CDH2: variants seen among roughly 807,000 people sequenced by gnomAD.
CDH2 encodes cadherin-2.
Under a neutral mutation model 92.0 loss-of-function variants are expected in CDH2, and 17 were observed. That is an observed-to-expected ratio of 0.18 (90% CI 0.13 to 0.28). The LOEUF is 0.28. CDH2 is among the 10% of genes least tolerant of loss of function. The pLI is 1.00. For synonymous variants in CDH2, 419 were observed against 415.9 expected, an observed-to-expected ratio of 1.01 and a Z score of -0.09; for missense variants, 862 against 1,133.1, an observed-to-expected ratio of 0.76 and a Z score of 3.44.
intron 1 of CDH2, among the ~76,000 whole-genome samples, chr18:28,167,906 G>A (rs772004027): frequency 5.9e-5 from 9 of 151,976 alleles, no homozygotes; most frequent in African/African-American, 1.7e-4. Context: ...CAATATTTTC[G>A]CTGCAAAAAC....
At chr18:28,039,507 G>C (rs1177184096) in intron 2 of CDH2, among the ~76,000 whole-genome samples, 1 of 152,260 alleles carries the variant, frequency 6.6e-6, no homozygotes, top group East Asian at 1.9e-4. Flanking sequence ...TTATGGCTCA[G>C]GGAGATTAAG....
At chr18:28,000,656 A>G (rs1046532612) in intron 7 of CDH2, among the ~76,000 whole-genome samples, 1 of 152,172 alleles carries the variant, frequency 6.6e-6, no homozygotes, top group Non-Finnish European at 1.5e-5. Context: ...TAATGTCACA[A>G]GAGGACAGAT....
chr18:28,080,225 C>G (rs2014803318), intron 2 of CDH2, among the ~76,000 whole-genome samples: 1 of 152,160 alleles, frequency 6.6e-6, no homozygotes, highest in South Asian at 2.1e-4. Flanking sequence ...AGGTCACTAC[C>G]TGTGAAATCC....
chr18:28,118,440 A>T (rs1156396176), intron 2 of CDH2, among the ~76,000 whole-genome samples: 1 of 152,164 alleles, frequency 6.6e-6, no homozygotes, highest in African/African-American at 2.4e-5. Flanking sequence ...CTATTTTCAA[A>T]GAATATTGTT....
chr18:28,155,363 A>G (rs1329577103), intron 1 of CDH2, among the ~76,000 whole-genome samples: 1 of 152,240 alleles, frequency 6.6e-6, no homozygotes, highest in Non-Finnish European at 1.5e-5. Context: ...TCACCACAGG[A>G]CAAGGGTTAG....
intron 2 of CDH2, among the ~76,000 whole-genome samples, chr18:28,100,719 T>C (rs976409005): frequency 6.6e-6 from 1 of 152,224 alleles, no homozygotes; most frequent in Admixed American, 6.5e-5. Flanking sequence ...GTTATTCACA[T>C]ACACATTGCA....
chr18:28,085,785 C>T (rs2014916136), intron 2 of CDH2, among the ~76,000 whole-genome samples: 1 of 152,080 alleles, frequency 6.6e-6, no homozygotes, highest in Non-Finnish European at 1.5e-5. Flanking sequence ...ATCCCTAGTG[C>T]AAAACACTGT....
At chr18:28,043,474 A>ATT (rs1220008935) in intron 2 of CDH2, among the ~76,000 whole-genome samples, 1 of 77,262 alleles carries the variant, frequency 1.3e-5, no homozygotes, top group African/African-American at 5.0e-5. Context: ...ATATATATAT[A>ATT]TATATATATA....
intron 5 of CDH2, among the ~76,000 whole-genome samples, chr18:28,006,881 T>C (rs539641398): frequency 5.9e-5 from 9 of 151,620 alleles, no homozygotes; most frequent in Non-Finnish European, 1.0e-4. Flanking sequence ...AATATACTAG[T>C]ATATGGCTGG....
intron 14 of CDH2, among the ~76,000 whole-genome samples, chr18:27,965,856 C>T (rs562297908): frequency 1.9e-4 from 29 of 151,792 alleles, no homozygotes; most frequent in Middle Eastern, 3.4e-3. Context: ...TGGTGGTGGG[C>T]GCCTGTAGTC....
intron 2 of CDH2, among the ~76,000 whole-genome samples, chr18:28,121,597 G>C (rs1484842555): frequency 6.6e-6 from 1 of 152,016 alleles, no homozygotes; most frequent in Non-Finnish European, 1.5e-5. Flanking sequence ...TGTCCTCCCT[G>C]TAGCTACCTT....
rs1476143861 is a variant in CDH2 at position 27,963,422 on chromosome 18, C to T, written c.2449G>A (p.Glu817Lys). The T allele has an allele frequency of 6.8e-6, 11 of 1,613,874 alleles. No homozygotes were observed. Among genetic ancestry groups the T allele is most frequent in the African/African-American group, 1.3e-5 (1 of 74,870 alleles). ...GCAGATCGGACCGGATACTGGGGCT[C>T]GGCGTGGATGGGTCTTTCATCCATT... ...RRMDERPIHA[E>K]PQYPVRSAAP... The change falls in exon 15 of 16, where the codon GAG (glutamate) becomes AAG (lysine). Residue 817 changes from glutamate (E) to lysine (K), a missense_variant. Glu to Lys is a moderately conservative substitution (Grantham distance 56). Around this residue, in one of 5 missense-constraint regions of CDH2, gnomAD observed 114 missense variants for 144.8 expected, o/e 0.79. Coordinates refer to ENST00000269141, the MANE Select transcript of CDH2 (RefSeq NM_001792.5).
chr18:28,073,392 T>G (rs2144172718), intron 2 of CDH2, among the ~76,000 whole-genome samples: 1 of 152,284 alleles, frequency 6.6e-6, no homozygotes, highest in Non-Finnish European at 1.5e-5. Context: ...TTTTAAAAAA[T>G]CAATATAAAG....
At chr18:27,998,085 T>C (rs111800186) in intron 7 of CDH2, among the ~76,000 whole-genome samples, 1,716 of 152,190 alleles carry the variant, frequency 0.011, 32 homozygotes, top group African/African-American at 0.039. Context: ...GGATTACAGG[T>C]GTGAGCCACC....
At chr18:27,966,755 TC>T (rs1347207236) in intron 14 of CDH2, among the ~76,000 whole-genome samples, 1 of 152,210 alleles carries the variant, frequency 6.6e-6, no homozygotes, top group East Asian at 1.9e-4. Context: ...CAGTTCTTTA[TC>T]TTTCTTTTGA....
intron 2 of CDH2, among the ~76,000 whole-genome samples, chr18:28,075,347 A>G (rs534652646): frequency 6.6e-6 from 1 of 152,268 alleles, no homozygotes; most frequent in East Asian, 1.9e-4. Context: ...TGAGCTCCTA[A>G]TAGAGCTTCA....
intron 1 of CDH2, among the ~76,000 whole-genome samples, chr18:28,166,355 C>T (rs1378144733): frequency 2.6e-5 from 4 of 151,700 alleles, no homozygotes. Context: ...TTTGAGTACA[C>T]CACTATCTCC....
rs33990872 is a variant in CDH2, at chr18:28,131,683, GGT to G, written c.172+15988_172+15989del. Among the ~76,000 whole-genome samples, 589 of 150,256 alleles carry G rather than the reference GGT, an allele frequency of 3.9e-3. 7 individuals are homozygous for G. Among genetic ancestry groups the G allele is most frequent in the African/African-American group, 0.014 (560 of 40,994 alleles). On this transcript the variant is annotated intron_variant, in intron 2 of 15. Transcript: ENST00000269141. ...AAGATACTGTTCAAAAAGCATTTGT[GGT>G]GTGTGTGTGTGTGTGTGTGTGTGGC...
rs1271441828 is a variant in CDH2 at position 27,967,675 on chromosome 18, G to T, written c.2350-4154C>A. 2.0e-5 allele frequency among the ~76,000 whole-genome samples: 3 copies of T among 152,114 alleles called. No individual in the cohort carries two copies. In the South Asian group the frequency reaches 6.2e-4, roughly 31 times the overall value. ...TTAATGTTTGGAATATGTGTTAATT[G>T]GCAATCATCATTAAAAGTAGGCATG... On this transcript the variant is annotated intron_variant, in intron 14 of 15. Transcript: ENST00000269141.
Sources: allele counts gnomAD v4.1 joint callset (sites outside exome capture counted in the v4.1 genomes callset), GRCh38; gene constraint gnomAD v4.1.1; regional missense constraint gnomAD v4.1.1; transcripts MANE v1.5; gene names NCBI Gene and HGNC (gene_info 2026-07-23, HGNC 2026-07-21).